The following SSH1 variants were observed in gnomAD, a reference collection of about 807,000 sequenced individuals.
The protein encoded by SSH1 is protein phosphatase Slingshot homolog 1.
Under a neutral mutation model 79.7 loss-of-function variants are expected in SSH1, and 43 were observed. The observed-to-expected ratio is 0.54, with a 90% CI of 0.42 to 0.70. SSH1 has a LOEUF of 0.70. SSH1 is among the 30% of genes least tolerant of loss of function. The probability of loss-of-function intolerance (pLI) is 0.00; values close to 1 mark genes in which losing one functional copy is unlikely to be tolerated. For synonymous variants in SSH1, 599 were observed against 538.3 expected (o/e 1.11, Z -1.56); for missense variants, 1,206 against 1,358.8 (o/e 0.89, Z 1.77).
chr12:108,795,950 C>T (rs956118050), intron 13 of SSH1, among the ~76,000 whole-genome samples: 7 of 152,134 alleles, frequency 4.6e-5, no homozygotes, highest in African/African-American at 1.7e-4. Flanking sequence ...CTCTGTTGCT[C>T]AGGCTGGAGT....
Position 108,799,051 on chromosome 12 carries a change from T to C in SSH1, c.1298A>G (p.Asn433Ser), listed in dbSNP as rs975082851. The C allele has an allele frequency of 1.5e-5, 25 of 1,613,982 alleles. No homozygotes were observed. Among genetic ancestry groups the C allele is most frequent in the East Asian group, 4.5e-5 (2 of 44,890 alleles). Residue 433 changes from asparagine (N) to serine (S), a missense_variant, in exon 13 of 15, where the codon AAC becomes AGC. Around this residue, in one of 5 missense-constraint regions of SSH1, gnomAD observed 166 missense variants for 262.9 expected, o/e 0.63. Coordinates refer to ENST00000326495, the MANE Select transcript of SSH1 (RefSeq NM_018984.4). Reference protein sequence around the residue: ...VKQKRSITRPNAGFMRQLSEY... With the variant: ...VKQKRSITRPSAGFMRQLSEY... The stretch of plus-strand genomic sequence containing the variant: ...AGACAGCTGCCTCATAAAGCCCGCG[T>C]TGGGGCGCGTGATGCTGCGCTTCTG...
intron 10 of SSH1, among the ~76,000 whole-genome samples, chr12:108,804,201 A>C (rs939673629): frequency 6.6e-6 from 1 of 152,230 alleles, no homozygotes; most frequent in Admixed American, 6.5e-5. Context: ...GACTACAGGC[A>C]TAAGCCACTG....
intron 2 of SSH1, among the ~76,000 whole-genome samples, chr12:108,847,459 A>G (rs1319844754): frequency 6.6e-6 from 1 of 152,038 alleles, no homozygotes; most frequent in Non-Finnish European, 1.5e-5. Context: ...TAAACTGTTC[A>G]CTTTTATCAA....
intron 12 of SSH1, 100 bp from the exon 13 acceptor site, chr12:108,799,300 A>G (rs902230108): frequency 1.9e-6 from 2 of 1,031,110 alleles, no homozygotes; most frequent in African/African-American, 1.6e-5. Flanking sequence ...TTTTACCCGA[A>G]TCATTTTTTT....
intron 2 of SSH1, among the ~76,000 whole-genome samples, chr12:108,848,447 A>C (rs989551251): frequency 7.9e-5 from 12 of 152,192 alleles, no homozygotes; most frequent in African/African-American, 2.9e-4. Context: ...CCTAGAGATG[A>C]GGTGATGGCA....
At chr12:108,853,388 A>T (rs2039082945) in intron 1 of SSH1, 1 of 979,228 alleles carries the variant, frequency 1.0e-6, no homozygotes, top group Admixed American at 6.2e-5. Flanking sequence ...AAGGAAACAC[A>T]TACACACCCC....
At chr12:108,806,875 C>T (rs1004217740) in intron 8 of SSH1, among the ~76,000 whole-genome samples, 1 of 152,224 alleles carries the variant, frequency 6.6e-6, no homozygotes, top group South Asian at 2.1e-4. Context: ...AATCCTTCTT[C>T]CCCATGAGGA....
intron 2 of SSH1, among the ~76,000 whole-genome samples, chr12:108,841,830 ATG>A (rs199833761): frequency 3.5e-5 from 4 of 114,152 alleles, no homozygotes; most frequent in Non-Finnish European, 6.8e-5. Flanking sequence ...AAAAGTATAT[ATG>A]TGTGTGTGTG....
chr12:108,788,971 C>T lies in SSH1; in HGVS notation c.2167G>A (p.Ala723Thr). Residue 723 changes from alanine (A) to threonine (T), a missense_variant, in exon 15 of 15, where the codon GCA becomes ACA. Ala to Thr is a moderately conservative substitution (Grantham distance 58). Coordinates refer to ENST00000326495, the MANE Select transcript of SSH1 (RefSeq NM_018984.4). Reference sequence around the variant, plus strand: ...CCAGCCCCAGGGCCACTGGTGTCTGCCCTCCTGGAGCCTGCTGGTGGTAGG... The same window carrying T: ...CCAGCCCCAGGGCCACTGGTGTCTGTCCTCCTGGAGCCTGCTGGTGGTAGG... ...PFLPPAGSRR[A>T]DTSGPGAGAA... The T allele has an allele frequency of 1.2e-6, 2 of 1,613,180 alleles. No homozygotes were observed. The highest frequency in any genetic ancestry group is 1.7e-6 in the Non-Finnish European group (2 of 1,179,478).
At chr12:108,803,227 A>G (rs1158450803) in intron 10 of SSH1, among the ~76,000 whole-genome samples, 1 of 152,206 alleles carries the variant, frequency 6.6e-6, no homozygotes, top group Non-Finnish European at 1.5e-5. Context: ...GATTTGCGAG[A>G]TCGGGAATGC....
intron 12 of SSH1, among the ~76,000 whole-genome samples, chr12:108,799,902 C>T (rs960835361): frequency 3.3e-5 from 5 of 152,194 alleles, no homozygotes; most frequent in African/African-American, 1.2e-4. Flanking sequence ...CCAGTAAGGG[C>T]AGCACCTGCG....
chr12:108,847,467 C>A (rs1320810561), intron 2 of SSH1, among the ~76,000 whole-genome samples: 1 of 152,092 alleles, frequency 6.6e-6, no homozygotes, highest in African/African-American at 2.4e-5. Context: ...TCACTTTTAT[C>A]AACTTACTTA....
intron 2 of SSH1, chr12:108,836,875 A>G (rs375579669): frequency 3.8e-6 from 2 of 529,988 alleles, no homozygotes; most frequent in African/African-American, 3.9e-5. Context: ...GAATCACACA[A>G]GAACATCAGA....
At chr12:108,822,117 C>T (rs762977618) in intron 3 of SSH1, among the ~76,000 whole-genome samples, 8 of 152,000 alleles carry the variant, frequency 5.3e-5, no homozygotes, top group South Asian at 2.1e-4. Context: ...AGTGCAGTGG[C>T]GCAATCGTGG....
chr12:108,815,280 C>A (rs990723550), intron 5 of SSH1, among the ~76,000 whole-genome samples: 1 of 152,210 alleles, frequency 6.6e-6, no homozygotes, highest in African/African-American at 2.4e-5. Flanking sequence ...TGAGGTAGCA[C>A]TACCCACCCC....
chr12:108,806,494 CTT>C, intron 8 of SSH1, 100 bp from the exon 9 acceptor site: 1 of 1,086,192 alleles, frequency 9.2e-7, no homozygotes, highest in South Asian at 1.2e-5. Flanking sequence ...CAGAACACGG[CTT>C]GGCAAGGAGA....
intron 2 of SSH1, among the ~76,000 whole-genome samples, chr12:108,835,828 T>C (rs1387231523): frequency 6.8e-6 from 1 of 146,146 alleles, no homozygotes; most frequent in Non-Finnish European, 1.5e-5. Flanking sequence ...ATGTTAATAT[T>C]AATATTTATA....
rs1165112225 is a variant in SSH1, at chr12:108,811,335, T to C, written c.402-7A>G. 4 of 1,613,984 alleles carry C rather than the reference T, an allele frequency of 2.5e-6. No homozygotes were observed. The highest frequency in any genetic ancestry group is 1.7e-5 in the Admixed American group (1 of 60,012). On this transcript the variant is annotated splice_polypyrimidine_tract_variant and splice_region_variant and intron_variant, in intron 5 of 14. Coordinates refer to ENST00000326495, the MANE Select transcript of SSH1 (RefSeq NM_018984.4). ...CCCAATGGTGCAGCTTTTACTGCGA[T>C]GGGGGAGAGAAGACATGTGGAGTCA...
intron 2 of SSH1, among the ~76,000 whole-genome samples, chr12:108,846,903 C>CT (rs766290770): frequency 4.9e-4 from 71 of 146,378 alleles, no homozygotes; most frequent in South Asian, 8.7e-4. Context: ...AGGCAAGGAA[C>CT]TTTTTTTTTT....
Sources: allele counts gnomAD v4.1 joint callset (sites outside exome capture counted in the v4.1 genomes callset), GRCh38; gene constraint gnomAD v4.1.1; regional missense constraint gnomAD v4.1.1; transcripts MANE v1.5; gene names NCBI Gene and HGNC (gene_info 2026-07-23, HGNC 2026-07-21).